The following ZNF385D variants were observed in gnomAD, a reference collection of about 807,000 sequenced individuals.
The protein encoded by ZNF385D is zinc finger protein 385D, also known as zinc finger protein 659.
A neutral mutation model predicts 35.8 loss-of-function variants in ZNF385D; 15 were observed. That is an observed-to-expected ratio of 0.42 (90% CI 0.28 to 0.64). ZNF385D has a LOEUF of 0.64. Ranked by LOEUF, ZNF385D falls within the 30% of genes least tolerant of loss-of-function variation. The pLI is 0.23. For synonymous variants in ZNF385D, 212 were observed against 186.8 expected (o/e 1.13, Z -1.10); for missense variants, 474 against 494.6 (o/e 0.96, Z 0.39).
chr3:22,352,967 A>G (rs1184673400), intron 2 of ZNF385D, among the ~76,000 whole-genome samples: 1 of 152,138 alleles, frequency 6.6e-6, no homozygotes, highest in Non-Finnish European at 1.5e-5. Context: ...TTCTACATGG[A>G]GGGACATGAG....
chr3:22,220,292 T>G (rs917985882), intron 2 of ZNF385D, among the ~76,000 whole-genome samples: 1 of 152,088 alleles, frequency 6.6e-6, no homozygotes, highest in Non-Finnish European at 1.5e-5. Context: ...CTTGAACTCC[T>G]GAGTTCAAGA....
At chr3:21,771,259 G>C (rs1254510286) in intron 3 of ZNF385D, among the ~76,000 whole-genome samples, 2 of 151,044 alleles carry the variant, frequency 1.3e-5, no homozygotes, top group Non-Finnish European at 3.0e-5. Flanking sequence ...AAAAACCTGA[G>C]GAAGCCTTAA....
In ZNF385D at chr3:21,838,725, T is replaced by G. The variant is rs76317519; in HGVS notation, c.326-173697A>C. Among the ~76,000 whole-genome samples, 106 of 152,210 alleles carry G rather than the reference T, an allele frequency of 7.0e-4. No homozygotes were observed. In the East Asian group the frequency reaches 0.02, roughly 28 times the overall value. On this transcript the variant is annotated intron_variant, in intron 3 of 5. Coordinates refer to the ZNF385D transcript ENST00000494108. ...TTAATAATATGATCACAACCCTGTC[T>G]CTTCAAATCTAAGATGCCATCTATT...
intron 3 of ZNF385D, among the ~76,000 whole-genome samples, chr3:21,833,275 C>G (rs1004347507): frequency 2.6e-5 from 4 of 152,148 alleles, no homozygotes; most frequent in Non-Finnish European, 4.4e-5. Context: ...TCTCTGAAAT[C>G]TGCTATTATT....
intron 3 of ZNF385D, among the ~76,000 whole-genome samples, chr3:22,129,493 T>C (rs116134930): frequency 1.8e-4 from 28 of 151,944 alleles, no homozygotes; most frequent in Middle Eastern, 3.4e-3. Flanking sequence ...ACTTTAGGAA[T>C]TGGCTTGGTG....
At chr3:21,720,701 G>A (rs966627205) in intron 1 of ZNF385D, among the ~76,000 whole-genome samples, 3 of 152,218 alleles carry the variant, frequency 2.0e-5, no homozygotes, top group Admixed American at 1.3e-4. Context: ...ACTTGGAGAA[G>A]TCATCAAGGT....
In ZNF385D at chr3:21,539,144, C is replaced by A. The variant is rs150409234; in HGVS notation, c.276+25430G>T. Among the ~76,000 whole-genome samples the A allele has an allele frequency of 1.7e-3, 265 of 151,782 alleles. No individual in the cohort carries two copies. Among genetic ancestry groups the A allele is most frequent in the Middle Eastern group, 6.8e-3 (2 of 294 alleles). On this transcript the variant is annotated intron_variant, in intron 3 of 7. Coordinates refer to ENST00000281523, the MANE Select transcript of ZNF385D (RefSeq NM_024697.3). The surrounding 1 kb of genome is among the most constrained non-coding windows in gnomAD (Gnocchi z 4.0). ...AAACCTGCATAATAATAATGCAACC[C>A]TTGACAAACCTGATCAACTCCTATC...
intron 2 of ZNF385D, among the ~76,000 whole-genome samples, chr3:22,322,034 A>G (rs1694461312): frequency 6.6e-6 from 1 of 152,076 alleles, no homozygotes; most frequent in African/African-American, 2.4e-5. Flanking sequence ...ACCCAATTAT[A>G]GCTTTTTTTC....
chr3:21,424,317 A>ATATATATATATATT (rs1221923155), intron 6 of ZNF385D, among the ~76,000 whole-genome samples: 1 of 63,802 alleles, frequency 1.6e-5, no homozygotes, highest in African/African-American at 6.1e-5. Flanking sequence ...ATATATATAT[A>ATATATATATATATT]TTTTTTTTTT....
At chr3:21,911,065 G>T (rs1699938219) in intron 3 of ZNF385D, among the ~76,000 whole-genome samples, 1 of 151,854 alleles carries the variant, frequency 6.6e-6, no homozygotes, top group Non-Finnish European at 1.5e-5. Context: ...GGGGGAAAGA[G>T]AATATCTATG....
chr3:21,977,908 T>A (rs1479263281), intron 3 of ZNF385D, among the ~76,000 whole-genome samples: 1 of 152,080 alleles, frequency 6.6e-6, no homozygotes, highest in Non-Finnish European at 1.5e-5. Flanking sequence ...ACGAGTAGAA[T>A]GCAGGCTGTT....
At chr3:21,651,103 C>G in intron 2 of ZNF385D, among the ~76,000 whole-genome samples, 1 of 135,058 alleles carries the variant, frequency 7.4e-6, no homozygotes, top group Non-Finnish European at 1.6e-5. Flanking sequence ...CACGGTGAAA[C>G]CCCGTCTCTA....
chr3:22,009,804 T>C (rs1174642556), intron 3 of ZNF385D, among the ~76,000 whole-genome samples: 1 of 152,074 alleles, frequency 6.6e-6, no homozygotes, highest in Non-Finnish European at 1.5e-5. Context: ...AAATTGATAG[T>C]CAAGGGTCAT....
At chr3:21,636,364 T>TTATATATATATGATTATATATATATATA in intron 2 of ZNF385D, among the ~76,000 whole-genome samples, 1 of 113,896 alleles carries the variant, frequency 8.8e-6, no homozygotes, top group South Asian at 2.8e-4. Flanking sequence ...TTATATATGA[T>TTATATATATATGATTATATATATATATA]TATATATATA....
At chr3:22,044,016 G>A (rs1352165410) in intron 3 of ZNF385D, among the ~76,000 whole-genome samples, 1 of 151,908 alleles carries the variant, frequency 6.6e-6, no homozygotes, top group Non-Finnish European at 1.5e-5. Context: ...AATATTCTCA[G>A]ATCTTTAAAG....
At chr3:21,855,256 T>G (rs987960779) in intron 3 of ZNF385D, among the ~76,000 whole-genome samples, 5 of 152,032 alleles carry the variant, frequency 3.3e-5, no homozygotes, top group Non-Finnish European at 7.4e-5. Context: ...CCTTAAGAAT[T>G]TTTTAGCTGA....
chr3:21,867,765 A>T (rs190984144), intron 3 of ZNF385D, among the ~76,000 whole-genome samples: 1 of 151,640 alleles, frequency 6.6e-6, no homozygotes, highest in South Asian at 2.1e-4. Context: ...AACCTCAACC[A>T]GTCTTTTTAG....
chr3:21,436,626 G>A (rs751896208), intron 5 of ZNF385D, among the ~76,000 whole-genome samples: 14 of 152,086 alleles, frequency 9.2e-5, no homozygotes, highest in Non-Finnish European at 2.1e-4. Context: ...TATGGGTACA[G>A]TTTTAGAAAA....
At chr3:21,591,129 C>T (rs1015589357) in intron 2 of ZNF385D, among the ~76,000 whole-genome samples, 3 of 152,044 alleles carry the variant, frequency 2.0e-5, no homozygotes, top group African/African-American at 7.2e-5. Context: ...CTGGAGTGTT[C>T]AACCTGCAGT....
Sources: gnomAD v4.1 joint callset for allele counts (sites outside exome capture counted in the v4.1 genomes callset) on GRCh38, gnomAD v4.1.1 for gene constraint, Gnocchi (gnomAD v3.1) non-coding constraint, MANE v1.5 for transcripts, NCBI Gene and HGNC (gene_info 2026-07-23, HGNC 2026-07-21) for gene names.